PLCL2: variants seen among roughly 807,000 people sequenced by gnomAD.
PLCL2 encodes the protein phospholipase C like 2, also known as inactive phospholipase C-like protein 2.
A neutral mutation model predicts 79.6 loss-of-function variants in PLCL2; 4 were observed. That is an observed-to-expected ratio of 0.05 (90% CI 0.02 to 0.11). The LOEUF (loss-of-function observed/expected upper bound fraction) is 0.11. Among genes scored for constraint, PLCL2 ranks in the 10% least tolerant of loss-of-function variants. PLCL2 has a pLI of 1.00. For missense variants in PLCL2, 895 were observed against 1,291.0 expected (o/e 0.69, Z 4.70); for synonymous variants, 484 against 457.7 (o/e 1.06, Z -0.73).
At chr3:17,088,817 C>T (rs1304792236) in intron 5 of PLCL2, among the ~76,000 whole-genome samples, 1 of 152,144 alleles carries the variant, frequency 6.6e-6, no homozygotes, top group Non-Finnish European at 1.5e-5. Context: ...CTTCATTGGC[C>T]CATTGTCAGC....
chr3:17,048,084 C>T lies in PLCL2; in HGVS notation c.3094+5135C>T, dbSNP rs567201203. On this transcript the variant is annotated intron_variant, in intron 4 of 5. Coordinates refer to ENST00000615277, the MANE Select transcript of PLCL2 (RefSeq NM_001144382.2). Reference sequence around the variant, plus strand: ...TGACCTGGATTTAATTGCTCAGAGACTTTTTTTTTTTTTTCAAACTCCTCA... The same window carrying T: ...TGACCTGGATTTAATTGCTCAGAGATTTTTTTTTTTTTTTCAAACTCCTCA... 8.9e-5 allele frequency among the ~76,000 whole-genome samples: 13 copies of T among 145,884 alleles called. No individual in the cohort carries two copies. The East Asian group carries it at 2.6e-3, about 29-fold the overall frequency.
chr3:17,056,214 T>C (rs1481231171), intron 4 of PLCL2, among the ~76,000 whole-genome samples: 4 of 152,190 alleles, frequency 2.6e-5, no homozygotes, highest in Non-Finnish European at 5.9e-5. Context: ...GTTATGAGAA[T>C]TCCCATTATA....
chr3:16,923,775 A>G (rs1471734519), intron 1 of PLCL2, among the ~76,000 whole-genome samples: 4 of 152,138 alleles, frequency 2.6e-5, no homozygotes, highest in Admixed American at 1.3e-4. Context: ...ATGGTGTCCT[A>G]CCAGTTTCTT....
At chr3:16,929,195 A>T (rs186193630) in intron 1 of PLCL2, among the ~76,000 whole-genome samples, 1 of 151,884 alleles carries the variant, frequency 6.6e-6, no homozygotes, top group Non-Finnish European at 1.5e-5. Flanking sequence ...CGTGGGAGAG[A>T]GGGGAGGAGG....
At position 17,007,244 on chromosome 3, in the gene PLCL2, G is replaced by A. The variant is rs539048829; in HGVS notation, c.328-2430G>A. Among the ~76,000 whole-genome samples, 37 of 152,222 alleles carry A rather than the reference G, an allele frequency of 2.4e-4. No individual in the cohort carries two copies. In the South Asian group the frequency reaches 7.5e-3, roughly 31 times the overall value. ...TGACGCAGACGGATCACGAGGTCAGGAGATCGAGACCATCCTGGCTAACAT... is the reference window on the plus strand; with the variant it reads ...TGACGCAGACGGATCACGAGGTCAGAAGATCGAGACCATCCTGGCTAACAT... On this transcript the variant is annotated intron_variant, in intron 1 of 5. Coordinates refer to ENST00000615277, the MANE Select transcript of PLCL2 (RefSeq NM_001144382.2).
At chr3:16,978,763 C>T (rs2063951192) in intron 1 of PLCL2, among the ~76,000 whole-genome samples, 1 of 152,212 alleles carries the variant, frequency 6.6e-6, no homozygotes, top group Non-Finnish European at 1.5e-5. Context: ...GCCCAGAATC[C>T]TGGCAACAAT....
At position 17,010,766 on chromosome 3, in the gene PLCL2, G is replaced by A. The variant is rs1453102815; in HGVS notation, c.1420G>A (p.Val474Ile). The A allele has an allele frequency of 6.2e-7, 1 of 1,614,180 alleles. No homozygotes were observed. Among genetic ancestry groups the A allele is most frequent in the South Asian group, 1.1e-5 (1 of 91,082 alleles). Residue 474 changes from valine to isoleucine, a missense_variant, in exon 2 of 6, where the codon GTA becomes ATA. By Grantham distance (29) the Val-to-Ile change is conservative. This residue lies in a region of PLCL2 where 242 missense variants were observed against 399.5 expected (regional missense o/e 0.61). Coordinates refer to ENST00000615277, the MANE Select transcript of PLCL2 (RefSeq NM_001144382.2). This position sits in a 1 kb window ranked among gnomAD's most constrained non-coding sequence, Gnocchi z 5.8. ...KMGCRSVELD[V>I]WDGPDNEPVI... ...GGGTTGCCGGAGTGTTGAATTAGAT[G>A]TATGGGATGGGCCGGACAATGAACC...
intron 5 of PLCL2, among the ~76,000 whole-genome samples, chr3:17,079,206 C>A (rs568729397): frequency 6.6e-6 from 1 of 152,326 alleles, no homozygotes; most frequent in East Asian, 1.9e-4. Flanking sequence ...TCGCTCTCTG[C>A]ATCCTCTCTC....
rs2065254465 is a variant in PLCL2 at position 17,089,721 on chromosome 3, G to GT, written c.3205-8dup. Reference sequence around the variant, plus strand: ...CATATCTAATACTGTTTAATTGCATGTTTTGTTATAGGGACAAGCAGATCT... The same window carrying GT: ...CATATCTAATACTGTTTAATTGCATGTTTTTGTTATAGGGACAAGCAGATCT... On this transcript the variant is annotated splice_polypyrimidine_tract_variant and intron_variant, in intron 5 of 5. Coordinates refer to ENST00000615277, the MANE Select transcript of PLCL2 (RefSeq NM_001144382.2). 1 of 1,524,154 alleles carries GT rather than the reference G, an allele frequency of 6.6e-7. No homozygotes were observed. Among genetic ancestry groups the GT allele is most frequent in the Non-Finnish European group, 9.1e-7 (1 of 1,102,536 alleles). 94.4% of individuals were successfully genotyped at this position (1,524,154 alleles called of 1,614,324 possible).
intron 1 of PLCL2, among the ~76,000 whole-genome samples, chr3:16,937,519 A>T (rs1333373892): frequency 5.9e-5 from 9 of 152,218 alleles, no homozygotes; most frequent in Admixed American, 5.9e-4. Context: ...AAAGAACAGG[A>T]AACTTCCTTC....
chr3:17,088,963 C>A (rs2065247926), intron 5 of PLCL2, among the ~76,000 whole-genome samples: 1 of 152,192 alleles, frequency 6.6e-6, no homozygotes, highest in Non-Finnish European at 1.5e-5. Flanking sequence ...GAAAGTATAT[C>A]CAAAGTAGAA....
chr3:17,011,663 G>C lies in PLCL2; in HGVS notation c.2317G>C (p.Gly773Arg), dbSNP rs772595314. 1 of 1,614,004 alleles carries C rather than the reference G, an allele frequency of 6.2e-7. No homozygotes were observed. Among genetic ancestry groups the C allele is most frequent in the African/African-American group, 1.3e-5 (1 of 74,910 alleles). ...GQNFPKPKGSGAKGDVVDPYV... is the reference protein window; with the variant it reads ...GQNFPKPKGSRAKGDVVDPYV... ...GAACTTTCCCAAGCCCAAAGGATCA[G>C]GTGCCAAAGGTGATGTGGTAGATCC... Residue 773 changes from glycine (G) to arginine (R), a missense_variant, in exon 2 of 6, where the codon GGT (glycine) becomes CGT (arginine). Gly to Arg is a moderately radical substitution (Grantham distance 125). This residue lies in a region of PLCL2 where 298 missense variants were observed against 459.6 expected (regional missense o/e 0.65). Coordinates refer to ENST00000615277, the MANE Select transcript of PLCL2 (RefSeq NM_001144382.2). The surrounding 1 kb of genome is among the most constrained non-coding windows in gnomAD (Gnocchi z 7.9).
At chr3:16,996,038 A>AAT (rs2064149705) in intron 1 of PLCL2, among the ~76,000 whole-genome samples, 1 of 152,180 alleles carries the variant, frequency 6.6e-6, no homozygotes, top group Admixed American at 6.5e-5. Context: ...GACAGAGAAT[A>AAT]ATATGGGCAG....
intron 1 of PLCL2, among the ~76,000 whole-genome samples, chr3:16,995,444 T>G (rs777163662): frequency 2.6e-5 from 4 of 152,226 alleles, no homozygotes; most frequent in African/African-American, 2.4e-5. Flanking sequence ...GGGCCTTCTC[T>G]AAGGAGGTGC....
intron 1 of PLCL2, among the ~76,000 whole-genome samples, chr3:16,946,630 T>C (rs1324597824): frequency 6.6e-6 from 1 of 152,184 alleles, no homozygotes; most frequent in African/African-American, 2.4e-5. Context: ...TAGAAACTTT[T>C]GGAATGCAAC....
intron 1 of PLCL2, among the ~76,000 whole-genome samples, chr3:16,983,308 G>C (rs2064018662): frequency 6.6e-6 from 1 of 152,228 alleles, no homozygotes; most frequent in African/African-American, 2.4e-5. Flanking sequence ...GTTCAAAGCA[G>C]AGTAAGTGAC....
intron 1 of PLCL2, among the ~76,000 whole-genome samples, chr3:16,938,289 A>G (rs1338160890): frequency 6.6e-6 from 1 of 152,238 alleles, no homozygotes; most frequent in Non-Finnish European, 1.5e-5. Context: ...TTAAAGGGCT[A>G]TAAAATAATA....
chr3:16,917,517 T>C (rs1697024962), intron 1 of PLCL2, among the ~76,000 whole-genome samples: 1 of 152,206 alleles, frequency 6.6e-6, no homozygotes, highest in South Asian at 2.1e-4. Flanking sequence ...GACTAGAAGC[T>C]GGAGGGTTCA....
chr3:16,958,872 C>T (rs1043341793), intron 1 of PLCL2, among the ~76,000 whole-genome samples: 3 of 152,232 alleles, frequency 2.0e-5, no homozygotes, highest in Non-Finnish European at 4.4e-5. Flanking sequence ...TGGCTTTGCC[C>T]TCCATGGGGC....
Sources: allele counts gnomAD v4.1 joint callset (sites outside exome capture counted in the v4.1 genomes callset), GRCh38; gene constraint gnomAD v4.1.1; regional missense constraint gnomAD v4.1.1; non-coding constraint Gnocchi (gnomAD v3.1); transcripts MANE v1.5; gene names NCBI Gene and HGNC (gene_info 2026-07-23, HGNC 2026-07-21).